ROBO2: variants seen among roughly 807,000 people sequenced by gnomAD.
The protein encoded by ROBO2 is roundabout guidance receptor 2.
A neutral mutation model predicts 160.8 loss-of-function variants in ROBO2; 53 were observed. The ratio of observed to expected loss-of-function variants is 0.33; its 90% CI spans 0.26 to 0.41. The LOEUF (loss-of-function observed/expected upper bound fraction) is 0.41, where lower values mean the gene tolerates loss of function less well. ROBO2 is among the 10% of genes least tolerant of loss of function. The probability of loss-of-function intolerance (pLI) is 1.00; values close to 1 mark genes in which losing one functional copy is unlikely to be tolerated. For missense variants in ROBO2, 1,577 were observed against 1,722.4 expected (o/e 0.92, Z 1.49); for synonymous variants, 664 against 611.7 (o/e 1.09, Z -1.26).
chr3:75,970,768 A>T (rs1336676634), intron 2 of ROBO2, among the ~76,000 whole-genome samples: 1 of 151,288 alleles, frequency 6.6e-6, no homozygotes, highest in African/African-American at 2.4e-5. Context: ...ATCTAATAAT[A>T]TATGAAACTG....
At chr3:77,562,618 A>G (rs2093357640) in intron 9 of ROBO2, 33 bp from the exon 11 acceptor site, 2 of 1,486,148 alleles carry the variant, frequency 1.3e-6, no homozygotes, top group Non-Finnish European at 1.9e-6. Flanking sequence ...ATTGACTGAA[A>G]CAATTTAATT....
At chr3:76,582,524 C>T (rs2085766124) in intron 2 of ROBO2, among the ~76,000 whole-genome samples, 1 of 151,622 alleles carries the variant, frequency 6.6e-6, no homozygotes, top group Non-Finnish European at 1.5e-5. Context: ...AATCTTTCTC[C>T]CTCAAATAAA....
chr3:76,800,928 A>G (rs1020657651), intron 2 of ROBO2, among the ~76,000 whole-genome samples: 1 of 152,254 alleles, frequency 6.6e-6, no homozygotes, highest in Non-Finnish European at 1.5e-5. Context: ...AAATCAGTAT[A>G]TTGAAGAGAT....
chr3:76,492,154 T>A (rs1014049770), intron 2 of ROBO2, among the ~76,000 whole-genome samples: 2 of 152,020 alleles, frequency 1.3e-5, no homozygotes, highest in African/African-American at 4.8e-5. Context: ...AAACTTAATC[T>A]AGTGTTGTTA....
intron 2 of ROBO2, among the ~76,000 whole-genome samples, chr3:77,294,865 TA>T (rs1306655419): frequency 7.5e-6 from 1 of 132,814 alleles, no homozygotes; most frequent in Non-Finnish European, 1.6e-5. Flanking sequence ...GCTAGAACAG[TA>T]AAGACATAAA....
At chr3:77,178,190 T>C (rs2080343502) in intron 2 of ROBO2, among the ~76,000 whole-genome samples, 1 of 151,996 alleles carries the variant, frequency 6.6e-6, no homozygotes, top group South Asian at 2.1e-4. Flanking sequence ...GTAGGATAGA[T>C]GAAGACAATG....
intron 23 of ROBO2, chr3:77,632,831 G>T: frequency 2.1e-6 from 1 of 477,482 alleles, no homozygotes; most frequent in Non-Finnish European, 3.6e-6. Flanking sequence ...TAGTTTTGCA[G>T]AGCCAAGAAT....
At chr3:76,717,229 C>CA (rs2093394304) in intron 2 of ROBO2, among the ~76,000 whole-genome samples, 1 of 151,512 alleles carries the variant, frequency 6.6e-6, no homozygotes, top group African/African-American at 2.4e-5. Flanking sequence ...CACGGTGGCT[C>CA]ACGCCTGTAA....
At chr3:76,660,965 A>AT (rs1428626094) in intron 2 of ROBO2, among the ~76,000 whole-genome samples, 13 of 152,168 alleles carry the variant, frequency 8.5e-5, no homozygotes, top group African/African-American at 3.1e-4. Context: ...AAATATTAAA[A>AT]TATGAAGAGG....
intron 2 of ROBO2, among the ~76,000 whole-genome samples, chr3:76,197,183 C>T (rs113004389): frequency 4.2e-5 from 6 of 142,848 alleles, no homozygotes; most frequent in African/African-American, 1.6e-4. Flanking sequence ...ATCCACTGAG[C>T]TAATCGGTCT....
chr3:76,736,967 T>A (rs934290944), intron 2 of ROBO2, among the ~76,000 whole-genome samples: 8 of 152,230 alleles, frequency 5.3e-5, no homozygotes, highest in Non-Finnish European at 4.4e-5. Flanking sequence ...TACTCTATCC[T>A]GCTTTTATGT....
chr3:76,414,690 G>A lies in ROBO2; in HGVS notation c.109+477088G>A, dbSNP rs367642106. Among the ~76,000 whole-genome samples the A allele has an allele frequency of 5.1e-3, 753 of 148,758 alleles. 4 individuals carry two copies. The highest frequency in any genetic ancestry group is 0.017 in the African/African-American group (696 of 40,290). On this transcript the variant is annotated intron_variant, in intron 2 of 26. Transcript: ENST00000487694. ...TAGATGATGAGTTAGTGGGTGCAGC[G>A]CACCAGCATGGCACATGTATACATA...
At chr3:77,332,903 C>T (rs151007298) in intron 2 of ROBO2, among the ~76,000 whole-genome samples, 1 of 152,130 alleles carries the variant, frequency 6.6e-6, no homozygotes, top group Admixed American at 6.6e-5. Flanking sequence ...AGCGCTAGAG[C>T]GACTTATTAC....
intron 2 of ROBO2, among the ~76,000 whole-genome samples, chr3:76,938,348 G>A (rs1477356179): frequency 4.8e-5 from 7 of 147,358 alleles, no homozygotes; most frequent in Admixed American, 4.0e-4. Context: ...GCAAGACTCC[G>A]TCCCCCACCT....
At chr3:75,952,128 T>A (rs533606767) in intron 2 of ROBO2, among the ~76,000 whole-genome samples, 1 of 152,092 alleles carries the variant, frequency 6.6e-6, no homozygotes, top group South Asian at 2.1e-4. Flanking sequence ...TAGGTTTTAA[T>A]CCTACATTGA....
chr3:76,465,000 A>G (rs1453732193), intron 2 of ROBO2, among the ~76,000 whole-genome samples: 1 of 152,102 alleles, frequency 6.6e-6, no homozygotes, highest in Non-Finnish European at 1.5e-5. Flanking sequence ...TTTCAAAAAG[A>G]AAAGAAACTC....
At chr3:76,259,540 T>C (rs1292348949) in intron 2 of ROBO2, among the ~76,000 whole-genome samples, 2 of 152,186 alleles carry the variant, frequency 1.3e-5, no homozygotes, top group African/African-American at 4.8e-5. Context: ...TGACAATTGC[T>C]ATAGACTACA....
chr3:76,520,128 G>A (rs997746749), intron 2 of ROBO2, among the ~76,000 whole-genome samples: 5 of 152,106 alleles, frequency 3.3e-5, no homozygotes, highest in African/African-American at 1.2e-4. Context: ...AACCCTCAAT[G>A]AGCTGCATCA....
chr3:76,288,837 C>T lies in ROBO2; in HGVS notation c.109+351235C>T, dbSNP rs1443171936. Among the ~76,000 whole-genome samples the T allele has an allele frequency of 3.9e-5, 6 of 152,280 alleles. No individual in the cohort carries two copies. In the East Asian group the frequency reaches 1.2e-3, roughly 29 times the overall value. On this transcript the variant is annotated intron_variant, in intron 2 of 26. Transcript: ENST00000487694. ...GACATGTTCTCATTCTTTTCTATGG[C>T]TGCCTAGTATTCTATTGTATATCTG...
Sources: gnomAD v4.1 joint callset for allele counts (sites outside exome capture counted in the v4.1 genomes callset) on GRCh38, gnomAD v4.1.1 for gene constraint, MANE v1.5 for transcripts, NCBI Gene and HGNC (gene_info 2026-07-23, HGNC 2026-07-21) for gene names.